Variants in NEO1 observed in about 807,000 individuals in gnomAD.
NEO1 encodes the protein neogenin.
NEO1 carries 63 observed loss-of-function variants against 159.7 expected under a neutral mutation model. The ratio of observed to expected loss-of-function variants is 0.39; its 90% CI spans 0.32 to 0.49. The LOEUF (loss-of-function observed/expected upper bound fraction) is 0.49. Among genes scored for constraint, NEO1 ranks in the 20% least tolerant of loss-of-function variants. The pLI is 0.85. For missense variants in NEO1, 1,615 were observed against 1,831.0 expected, an observed-to-expected ratio of 0.88 and a Z score of 2.15; for synonymous variants, 633 against 662.0, an observed-to-expected ratio of 0.96 and a Z score of 0.67.
rs114857207 is a variant in NEO1 at position 73,134,923 on chromosome 15, C to T, written c.879-968C>T. On this transcript the variant is annotated intron_variant, in intron 4 of 28. Transcript: ENST00000261908. ...AGTATTAAGATTTGGAAGAAAAGTC[C>T]AGCCTGTGAAAACCAGTTTAGATGT... is the stretch of plus-strand genomic sequence containing the variant. Among the ~76,000 whole-genome samples the T allele has an allele frequency of 8.7e-3, 1,318 of 152,162 alleles. 22 individuals are homozygous for T. The highest frequency in any genetic ancestry group is 0.03 in the African/African-American group (1,243 of 41,502).
intron 7 of NEO1, chr15:73,236,143 A>T: frequency 1.5e-6 from 1 of 673,600 alleles, no homozygotes; most frequent in Non-Finnish European, 2.5e-6. Flanking sequence ...CTTCAGTTTA[A>T]TGGCCTTTTT....
At chr15:73,056,079 C>T (rs1204852442) in intron 1 of NEO1, among the ~76,000 whole-genome samples, 1 of 152,216 alleles carries the variant, frequency 6.6e-6, no homozygotes, top group Non-Finnish European at 1.5e-5. Flanking sequence ...AAATCTGTTA[C>T]TAGTGTTCTG....
intron 1 of NEO1, among the ~76,000 whole-genome samples, chr15:73,053,317 T>C (rs1353931777): frequency 2.0e-5 from 3 of 152,008 alleles, no homozygotes; most frequent in Non-Finnish European, 4.4e-5. Flanking sequence ...CGCGCGGGGA[T>C]TGGAGCCCGA....
At chr15:73,089,867 A>G (rs2069582754) in intron 1 of NEO1, among the ~76,000 whole-genome samples, 1 of 152,214 alleles carries the variant, frequency 6.6e-6, no homozygotes, top group Admixed American at 6.5e-5. Context: ...CATTGTTTAT[A>G]ATAGCAACAA....
intron 1 of NEO1, among the ~76,000 whole-genome samples, chr15:73,066,227 G>A (rs1378276316): frequency 1.3e-4 from 3 of 22,636 alleles, no homozygotes; most frequent in African/African-American, 3.7e-4. Flanking sequence ...GGGTTTCATC[G>A]TGTTAGCCAG....
At chr15:73,154,255 A>G (rs1313542577) in intron 5 of NEO1, among the ~76,000 whole-genome samples, 1 of 152,212 alleles carries the variant, frequency 6.6e-6, no homozygotes, top group Non-Finnish European at 1.5e-5. Flanking sequence ...TTTATCGGGT[A>G]CATGAGATAT....
chr15:73,158,146 C>T (rs546426880), intron 5 of NEO1, among the ~76,000 whole-genome samples: 21 of 146,356 alleles, frequency 1.4e-4, no homozygotes, highest in Admixed American at 6.3e-4. Flanking sequence ...ACTCGGGAGG[C>T]AGAGGTTGCA....
intron 5 of NEO1, among the ~76,000 whole-genome samples, chr15:73,169,026 A>G (rs922883706): frequency 6.6e-6 from 1 of 152,198 alleles, no homozygotes; most frequent in Non-Finnish European, 1.5e-5. Flanking sequence ...TTCAAATGAA[A>G]CAATAGAAAC....
At chr15:73,106,560 A>G (rs2070703771) in intron 1 of NEO1, among the ~76,000 whole-genome samples, 1 of 152,172 alleles carries the variant, frequency 6.6e-6, no homozygotes, top group Admixed American at 6.5e-5. Context: ...GAGCTACATT[A>G]AGTTACCAAT....
intron 15 of NEO1, 31 bp downstream of exon 15, chr15:73,260,496 T>G: frequency 6.8e-7 from 1 of 1,476,154 alleles, no homozygotes; most frequent in South Asian, 1.5e-5. Context: ...AAGTTAATTG[T>G]GTGGGAGATT....
chr15:73,158,520 C>T (rs1425346932), intron 5 of NEO1, among the ~76,000 whole-genome samples: 1 of 151,808 alleles, frequency 6.6e-6, no homozygotes, highest in East Asian at 1.9e-4. Flanking sequence ...GCTTCAGCCT[C>T]CTGTGTAACT....
intron 1 of NEO1, among the ~76,000 whole-genome samples, chr15:73,097,186 T>C (rs1425002142): frequency 6.6e-6 from 1 of 152,180 alleles, no homozygotes; most frequent in Non-Finnish European, 1.5e-5. Flanking sequence ...TTCTTAGGAC[T>C]GAGTTCTTTA....
At chr15:73,158,208 CTTTTTTTTTTTTTTT>C (rs1047852394) in intron 5 of NEO1, among the ~76,000 whole-genome samples, 2 of 82,556 alleles carry the variant, frequency 2.4e-5, no homozygotes, top group Admixed American at 1.7e-4. Context: ...GAGTGAGACT[CTTTTTTTTTTTTTTT>C]TTTTTTTTTT....
chr15:73,190,220 T>C (rs1401104573), intron 7 of NEO1, among the ~76,000 whole-genome samples: 1 of 152,220 alleles, frequency 6.6e-6, no homozygotes, highest in Non-Finnish European at 1.5e-5. Context: ...TTGGCCTTTC[T>C]TCCTGTCAGT....
At chr15:73,150,014 T>C (rs1291950300) in intron 5 of NEO1, among the ~76,000 whole-genome samples, 1 of 152,208 alleles carries the variant, frequency 6.6e-6, no homozygotes, top group Non-Finnish European at 1.5e-5. Flanking sequence ...CCTCTCACCT[T>C]GATCTCTTGC....
chr15:73,193,147 G>A (rs989069992), intron 7 of NEO1, among the ~76,000 whole-genome samples: 14 of 152,176 alleles, frequency 9.2e-5, no homozygotes, highest in African/African-American at 3.4e-4. Flanking sequence ...AGGTGGTTAA[G>A]TATAATTTAT....
chr15:73,088,715 C>A (rs2069505622), intron 1 of NEO1, among the ~76,000 whole-genome samples: 1 of 151,688 alleles, frequency 6.6e-6, no homozygotes, highest in South Asian at 2.1e-4. Flanking sequence ...AGTTAAGGGG[C>A]AGTAGTCTCA....
chr15:73,163,939 G>A (rs1035770996), intron 5 of NEO1, among the ~76,000 whole-genome samples: 13 of 151,980 alleles, frequency 8.6e-5, no homozygotes, highest in Non-Finnish European at 1.2e-4. Context: ...TTGTCATGAT[G>A]TGTGTGTATG....
chr15:73,136,457 G>A (rs1247023993), intron 5 of NEO1, among the ~76,000 whole-genome samples: 2 of 152,034 alleles, frequency 1.3e-5, no homozygotes, highest in Non-Finnish European at 2.9e-5. Flanking sequence ...TCTTGTCTCA[G>A]GATGTTTTCT....
Sources: allele counts gnomAD v4.1 joint callset (sites outside exome capture counted in the v4.1 genomes callset), GRCh38; gene constraint gnomAD v4.1.1; transcripts MANE v1.5; gene names NCBI Gene and HGNC (gene_info 2026-07-23, HGNC 2026-07-21).